The following AKAP8 variants were observed in gnomAD, a reference collection of about 807,000 sequenced individuals.
The protein encoded by AKAP8 is A-kinase anchor protein 8.
A neutral mutation model predicts 67.5 loss-of-function variants in AKAP8; 24 were observed. The ratio of observed to expected loss-of-function variants is 0.36; its 90% CI spans 0.26 to 0.50. The LOEUF is 0.50. Among genes scored for constraint, AKAP8 ranks in the 20% least tolerant of loss-of-function variants. The probability of loss-of-function intolerance (pLI) is 0.97; values close to 1 mark genes in which losing one functional copy is unlikely to be tolerated. For synonymous variants in AKAP8, 400 were observed against 371.1 expected, an observed-to-expected ratio of 1.08 and a Z score of -0.90; for missense variants, 971 against 955.9, an observed-to-expected ratio of 1.02 and a Z score of -0.21.
chr19:15,376,608 T>TA (rs770307457), intron 2 of AKAP8, among the ~76,000 whole-genome samples: 48 of 152,314 alleles, frequency 3.2e-4, no homozygotes, highest in Non-Finnish European at 6.0e-4. Context: ...AAAGCTGTAC[T>TA]AAAAAGTCTG....
intron 9 of AKAP8, among the ~76,000 whole-genome samples, chr19:15,367,210 T>G (rs1967085229): frequency 6.6e-6 from 1 of 152,196 alleles, no homozygotes; most frequent in Non-Finnish European, 1.5e-5. Context: ...CTGGCCCCTT[T>G]TACTAAGCAT....
At chr19:15,379,446 C>T in intron 1 of AKAP8, 1 of 455,300 alleles carries the variant, frequency 2.2e-6, no homozygotes. Context: ...CTAAGACGCC[C>T]CCACGAAGCC....
chr19:15,366,154 GAAAA>G, intron 9 of AKAP8, among the ~76,000 whole-genome samples: 1 of 95,046 alleles, frequency 1.1e-5, no homozygotes, highest in East Asian at 3.1e-4. Flanking sequence ...AAAGCAAAAA[GAAAA>G]AAAAAAAAAG....
chr19:15,371,820 G>T, intron 7 of AKAP8, 132 bp downstream of exon 7: 1 of 1,007,800 alleles, frequency 9.9e-7, no homozygotes, highest in Non-Finnish European at 1.5e-6. Flanking sequence ...CTAGCTAAAA[G>T]TCAGGGTCCT....
In AKAP8 at chr19:15,363,384, C is replaced by T. The variant is rs1179953316; in HGVS notation, c.1161-1133G>A. Among the ~76,000 whole-genome samples, 10 of 148,314 alleles carry T rather than the reference C, an allele frequency of 6.7e-5. 1 individual carries two copies. Among genetic ancestry groups the T allele is most frequent in the South Asian group, 2.1e-4 (1 of 4,688 alleles). Reference sequence around the variant, plus strand: ...GGGGTCAGCCCCCCGCCCGGCCAGCCGCCCCGTCCGGGAAGTGAGGGGCGC... The same window carrying T: ...GGGGTCAGCCCCCCGCCCGGCCAGCTGCCCCGTCCGGGAAGTGAGGGGCGC... On this transcript the variant is annotated intron_variant, in intron 9 of 13. Coordinates refer to ENST00000269701, the MANE Select transcript of AKAP8 (RefSeq NM_005858.4).
At chr19:15,363,366 GC>G (rs1244566189) in intron 9 of AKAP8, among the ~76,000 whole-genome samples, 26 of 127,926 alleles carry the variant, frequency 2.0e-4, no homozygotes, top group Admixed American at 6.4e-4. Flanking sequence ...GGGGGGGTCA[GC>G]CCCCCGCCCG....
At chr19:15,371,545 G>C (rs1967158085) in intron 7 of AKAP8, among the ~76,000 whole-genome samples, 1 of 151,534 alleles carries the variant, frequency 6.6e-6, no homozygotes, top group African/African-American at 2.4e-5. Context: ...CTGGGGTGCA[G>C]TGATGCAACG....
At chr19:15,365,258 C>A (rs1011538524) in intron 9 of AKAP8, among the ~76,000 whole-genome samples, 5 of 152,208 alleles carry the variant, frequency 3.3e-5, no homozygotes, top group Admixed American at 2.0e-4. Context: ...AAACACCTCG[C>A]ACAATTCAAA....
Position 15,354,811 on chromosome 19 carries a change from C to T in AKAP8, c.*104G>A, listed in dbSNP as rs2048266297. The T allele has an allele frequency of 1.5e-6, 2 of 1,354,592 alleles. No homozygotes were observed. The highest frequency in any genetic ancestry group is 2.0e-6 in the Non-Finnish European group (2 of 987,168). 83.9% of individuals were successfully genotyped at this position (1,354,592 alleles called of 1,614,324 possible). A position where few individuals can be genotyped will look rare whatever the true frequency, so the allele number is the denominator to read the frequency against. ...GGGTCTCTTCACCAAAATTAGATTA[C>T]AGCATATTCTGGGAGCACACGCCCT... is the stretch of plus-strand genomic sequence containing the variant. On this transcript the variant is annotated 3_prime_UTR_variant, in exon 14 of 14. Coordinates refer to ENST00000269701, the MANE Select transcript of AKAP8 (RefSeq NM_005858.4).
intron 11 of AKAP8, chr19:15,361,368 T>TTTA: frequency 2.0e-5 from 3 of 148,346 alleles, no homozygotes; most frequent in Admixed American, 8.0e-5. Context: ...TTTTTTTTTT[T>TTTA]GAGACAGAGT....
At chr19:15,377,182 T>C (rs963104597) in intron 1 of AKAP8, among the ~76,000 whole-genome samples, 168 bp from the exon 2 acceptor site, 1 of 151,754 alleles carries the variant, frequency 6.6e-6, no homozygotes, top group African/African-American at 2.4e-5. Flanking sequence ...GCTAATGGCG[T>C]CATCGCATTC....
chr19:15,378,506 TGGGAAAGAA>T (rs1446119759), intron 1 of AKAP8, among the ~76,000 whole-genome samples: 5 of 152,010 alleles, frequency 3.3e-5, no homozygotes, highest in East Asian at 1.9e-4. Context: ...AAAGATCTGA[TGGGAAAGAA>T]GGGAAAGAAT....
chr19:15,377,907 G>A (rs974195969), intron 1 of AKAP8, among the ~76,000 whole-genome samples: 10 of 152,176 alleles, frequency 6.6e-5, no homozygotes, highest in Non-Finnish European at 1.2e-4. Context: ...GTCCCTCCAG[G>A]AAGGAGAATG....
In AKAP8 at chr19:15,361,863, G is replaced by A. The variant is rs1487632217; in HGVS notation, c.1303-41C>T. 6.4e-6 allele frequency: 10 copies of A among 1,554,296 alleles called. No homozygotes were observed. The Admixed American group carries it at 1.3e-4, about 21-fold the overall frequency. ...GAGGGCATAAAGTAAAATGAGAGGTGGGCGCATGTGGGCATTTCTCAACTG... is the reference window on the plus strand; with the variant it reads ...GAGGGCATAAAGTAAAATGAGAGGTAGGCGCATGTGGGCATTTCTCAACTG... On this transcript the variant is annotated intron_variant, in intron 10 of 13. Transcript: ENST00000269701.
chr19:15,365,147 G>C (rs187878065), intron 9 of AKAP8, among the ~76,000 whole-genome samples: 1 of 152,318 alleles, frequency 6.6e-6, no homozygotes, highest in East Asian at 1.9e-4. Flanking sequence ...GCTCTGGCTG[G>C]CAGCTCTTGG....
At chr19:15,371,903 A>G in intron 7 of AKAP8, 49 bp downstream of exon 7, 9 of 1,600,234 alleles carry the variant, frequency 5.6e-6, no homozygotes, top group Non-Finnish European at 7.7e-6. Context: ...GTGATTAAAG[A>G]AAGAAGAAAT....
rs377047890 is a variant in AKAP8 at position 15,372,859 on chromosome 19, G to A, written c.853C>T (p.Arg285Trp). 2.5e-5 allele frequency: 38 copies of A among 1,499,924 alleles called. No homozygotes were observed. The highest frequency in any genetic ancestry group is 7.3e-5 in the Admixed American group (3 of 41,090). 92.9% of individuals were successfully genotyped at this position (1,499,924 alleles called of 1,614,324 possible). The change falls in exon 5 of 14, where the codon CGG (arginine) becomes TGG (tryptophan). Residue 285 changes from arginine to tryptophan, a missense_variant. Arg to Trp is a moderately radical substitution (Grantham distance 101, BLOSUM62 -3). This residue lies in a region of AKAP8 where 763 missense variants were observed against 745.4 expected (regional missense o/e 1.02). Transcript: ENST00000269701. ...CGRSQPRMRD[R>W]DRPKRRGFDR... is the part of the protein sequence containing the mutation. The stretch of plus-strand genomic sequence containing the variant: ...ACCTTGCGAGGGCTTACCCGATCCC[G>A]ATCCCGCATCCGAGGCTGCGAGCGG...
intron 8 of AKAP8, chr19:15,368,597 C>T (rs1967106506): frequency 5.1e-6 from 5 of 985,206 alleles, no homozygotes; most frequent in Non-Finnish European, 6.0e-6. Flanking sequence ...ATGTGCACCA[C>T]AGCCCCCTGC....
Position 15,373,286 on chromosome 19 carries a change from C to T in AKAP8, c.426G>A (p.Glu142=). Residue 142 remains glutamate (E), a synonymous_variant, in exon 5 of 14, where the codon GAG becomes GAA. Coordinates refer to ENST00000269701, the MANE Select transcript of AKAP8 (RefSeq NM_005858.4). ...ESYDSRPCLP[E]HNPYRPSYSY... ...TGTAGCTGGGGCGGTAGGGGTTGTG[C>T]TCCGGCAGGCAGGGCCTGGAGTCAT... 1 of 1,613,622 alleles carries T rather than the reference C, an allele frequency of 6.2e-7. No individual in the cohort carries two copies. The highest frequency in any genetic ancestry group is 2.2e-5 in the East Asian group (1 of 44,870).
Sources: allele counts gnomAD v4.1 joint callset (sites outside exome capture counted in the v4.1 genomes callset), GRCh38; gene constraint gnomAD v4.1.1; regional missense constraint gnomAD v4.1.1; transcripts MANE v1.5; gene names NCBI Gene and HGNC (gene_info 2026-07-23, HGNC 2026-07-21).